The following TMEM266 variants were observed in gnomAD, a reference collection of about 807,000 sequenced individuals.
The protein encoded by TMEM266 is transmembrane protein 266, also known as Hv1 related protein 1.
A neutral mutation model predicts 50.5 loss-of-function variants in TMEM266; 33 were observed. That is an observed-to-expected ratio of 0.65 (90% CI 0.50 to 0.87). The LOEUF is 0.87. TMEM266 is among the 40% of genes least tolerant of loss of function. TMEM266 has a pLI of 0.00. For synonymous variants in TMEM266, 310 were observed against 292.3 expected (o/e 1.06, Z -0.62); for missense variants, 655 against 695.1 (o/e 0.94, Z 0.65).
intron 2 of TMEM266, among the ~76,000 whole-genome samples, chr15:76,135,240 A>AT (rs1334589494): frequency 6.6e-6 from 1 of 152,238 alleles, no homozygotes; most frequent in Non-Finnish European, 1.5e-5. Flanking sequence ...CCATTAATAC[A>AT]TTTTGTCTAC....
chr15:76,084,009 C>T (rs945402464), intron 1 of TMEM266, among the ~76,000 whole-genome samples: 1 of 152,180 alleles, frequency 6.6e-6, no homozygotes, highest in Admixed American at 6.5e-5. Context: ...ATCAGTAACA[C>T]TCCGAAAAGA....
At chr15:76,192,437 C>T (rs980648562) in intron 9 of TMEM266, among the ~76,000 whole-genome samples, 1 of 152,226 alleles carries the variant, frequency 6.6e-6, no homozygotes, top group African/African-American at 2.4e-5. Flanking sequence ...GGTGTCTTCC[C>T]TGTCCTCGCG....
chr15:76,100,857 T>A (rs2036989896), intron 1 of TMEM266, among the ~76,000 whole-genome samples: 1 of 152,090 alleles, frequency 6.6e-6, no homozygotes, highest in African/African-American at 2.4e-5. Flanking sequence ...ATAATACAGG[T>A]GAGGAAACTG....
intron 8 of TMEM266, chr15:76,176,388 G>A (rs1471296888): frequency 6.5e-6 from 1 of 152,796 alleles, no homozygotes; most frequent in Non-Finnish European, 1.5e-5. Context: ...GTACTCAGGA[G>A]GGGGTGGCTG....
chr15:76,153,928 G>A lies in TMEM266; in HGVS notation c.228-2676G>A, dbSNP rs1019882201. ...CTTCTGGGAGCCTCCAGCCCAGCAGGGCCAAAGCTGTCATCTGAGCACCTG... is the reference window on the plus strand; with the variant it reads ...CTTCTGGGAGCCTCCAGCCCAGCAGAGCCAAAGCTGTCATCTGAGCACCTG... On this transcript the variant is annotated intron_variant, in intron 3 of 10. Coordinates refer to ENST00000388942, the MANE Select transcript of TMEM266 (RefSeq NM_152335.3). This position sits in a 1 kb window ranked among gnomAD's most constrained non-coding sequence, Gnocchi z 4.2. Among the ~76,000 whole-genome samples the A allele has an allele frequency of 1.3e-5, 2 of 152,166 alleles. No homozygotes were observed. The highest frequency in any genetic ancestry group is 1.3e-4 in the Admixed American group (2 of 15,280).
intron 9 of TMEM266, among the ~76,000 whole-genome samples, chr15:76,195,521 C>G (rs184389979): frequency 2.6e-5 from 4 of 152,192 alleles, no homozygotes; most frequent in Non-Finnish European, 5.9e-5. Context: ...CAATTTTTGC[C>G]CACTTCGCCT....
intron 5 of TMEM266, 131 bp from the exon 6 acceptor site, chr15:76,169,685 A>C: frequency 4.0e-6 from 4 of 1,008,898 alleles, no homozygotes; most frequent in Non-Finnish European, 4.5e-6. Flanking sequence ...GGGCCAAGGA[A>C]TGCTTAGTGG....
intron 1 of TMEM266, among the ~76,000 whole-genome samples, chr15:76,076,723 A>G (rs1429103777): frequency 1.3e-5 from 2 of 152,090 alleles, no homozygotes; most frequent in South Asian, 4.1e-4. Flanking sequence ...AAGGTCGGGC[A>G]TTAGATGGGC....
chr15:76,063,727 C>G (rs1441555890), intron 1 of TMEM266, among the ~76,000 whole-genome samples: 1 of 152,210 alleles, frequency 6.6e-6, no homozygotes, highest in East Asian at 1.9e-4. Flanking sequence ...GTTCACTCCC[C>G]CAACTCTGGT....
intron 1 of TMEM266, among the ~76,000 whole-genome samples, chr15:76,130,651 C>T (rs568321947): frequency 6.6e-5 from 10 of 152,324 alleles, no homozygotes; most frequent in East Asian, 1.9e-4. Flanking sequence ...GTGAATGAAA[C>T]GGCATCTAGG....
At chr15:76,083,737 C>T (rs887145156) in intron 1 of TMEM266, among the ~76,000 whole-genome samples, 6 of 152,100 alleles carry the variant, frequency 3.9e-5, no homozygotes, top group Non-Finnish European at 8.8e-5. Flanking sequence ...CTACCGTAAG[C>T]CTCATGGGAG....
chr15:76,143,387 C>T (rs1022971335), intron 3 of TMEM266, among the ~76,000 whole-genome samples: 1 of 152,234 alleles, frequency 6.6e-6, no homozygotes, highest in Non-Finnish European at 1.5e-5. Flanking sequence ...AAACTGTTCT[C>T]AAGCGCATCA....
At position 76,139,544 on chromosome 15, in the gene TMEM266, C is replaced by T. The variant is rs531848699; in HGVS notation, c.227+1649C>T. ...TACTTAGAAGGGTCCCAACACTTGG[C>T]TAAATGCTCTGCCGCTGCTGTCTTG... is the stretch of plus-strand genomic sequence containing the variant. On this transcript the variant is annotated intron_variant, in intron 3 of 10. Transcript: ENST00000388942. The surrounding 1 kb of genome is among the most constrained non-coding windows in gnomAD (Gnocchi z 4.1). Among the ~76,000 whole-genome samples the T allele has an allele frequency of 2.6e-5, 4 of 152,336 alleles. No individual in the cohort carries two copies. The South Asian group carries it at 8.3e-4, about 32-fold the overall frequency.
intron 3 of TMEM266, among the ~76,000 whole-genome samples, chr15:76,143,073 G>C (rs913631304): frequency 3.3e-5 from 5 of 152,162 alleles, no homozygotes; most frequent in African/African-American, 1.2e-4. Flanking sequence ...TCGTGGATGG[G>C]CTGCACCGCA....
chr15:76,156,619 G>T lies in TMEM266; in HGVS notation c.243G>T (p.Lys81Asn). Residue 81 changes from lysine (K) to asparagine (N), a missense_variant, in exon 4 of 11, where the codon AAG becomes AAT. Coordinates refer to ENST00000388942, the MANE Select transcript of TMEM266 (RefSeq NM_152335.3). ...GTCCCCACAGGTCTAACTGGCTGAAGCCGTGCTGTGGGAAGAGAGCAGCCG... is the reference window on the plus strand; with the variant it reads ...GTCCCCACAGGTCTAACTGGCTGAATCCGTGCTGTGGGAAGAGAGCAGCCG... The T allele has an allele frequency of 1.2e-6, 2 of 1,614,076 alleles. No individual in the cohort carries two copies. The highest frequency in any genetic ancestry group is 1.7e-6 in the Non-Finnish European group (2 of 1,180,014).
rs1485869177 is a variant in TMEM266, at chr15:76,168,344, C to T, written c.457-1472C>T. 1.3e-5 allele frequency among the ~76,000 whole-genome samples: 2 copies of T among 152,202 alleles called. No homozygotes were observed. Among genetic ancestry groups the T allele is most frequent in the Admixed American group, 6.5e-5 (1 of 15,286 alleles). Reference sequence around the variant, plus strand: ...TCACAGAAATCAAGATTGTCCTTCACGAGAAAGAGCTGGATTTTACCAGCC... The same window carrying T: ...TCACAGAAATCAAGATTGTCCTTCATGAGAAAGAGCTGGATTTTACCAGCC... On this transcript the variant is annotated intron_variant, in intron 5 of 10. Transcript: ENST00000388942. The surrounding 1 kb of genome is among the most constrained non-coding windows in gnomAD (Gnocchi z 4.4).
intron 3 of TMEM266, among the ~76,000 whole-genome samples, chr15:76,141,774 A>G (rs1473744431): frequency 3.3e-5 from 5 of 152,186 alleles, no homozygotes; most frequent in Admixed American, 2.0e-4. Context: ...GGAAACCACT[A>G]TTCGACTTTC....
intron 9 of TMEM266, among the ~76,000 whole-genome samples, chr15:76,199,744 C>A (rs1404407850): frequency 7.3e-6 from 1 of 136,578 alleles, no homozygotes; most frequent in African/African-American, 2.7e-5. Context: ...AGGTCTGGAG[C>A]TTTGAGAGTA....
rs569713857 is a variant in TMEM266, at chr15:76,135,361, C to T, written c.38+1060C>T. On this transcript the variant is annotated intron_variant, in intron 2 of 10. Transcript: ENST00000388942. The stretch of plus-strand genomic sequence containing the variant: ...TGTCTCTCTGCTGAGGTGACCACCA[C>T]ATGGCCAGAGATGGTGCCGGGCCGC... 3.9e-5 allele frequency among the ~76,000 whole-genome samples: 6 copies of T among 152,342 alleles called. No homozygotes were observed. In the South Asian group the frequency reaches 1.2e-3, roughly 32 times the overall value.
Sources: gnomAD v4.1 joint callset for allele counts (sites outside exome capture counted in the v4.1 genomes callset) on GRCh38, gnomAD v4.1.1 for gene constraint, Gnocchi (gnomAD v3.1) non-coding constraint, MANE v1.5 for transcripts, NCBI Gene and HGNC (gene_info 2026-07-23, HGNC 2026-07-21) for gene names.